The following TCTN2 variants were observed in gnomAD, a reference collection of about 807,000 sequenced individuals.
TCTN2 encodes the protein tectonic family member 2.
In TCTN2, 66 loss-of-function variants were observed where a neutral mutation model predicts 83.4. The observed-to-expected ratio is 0.79, with a 90% CI of 0.65 to 0.97. The LOEUF (loss-of-function observed/expected upper bound fraction) is 0.97. Among genes scored for constraint, TCTN2 ranks in the 50% least tolerant of loss-of-function variants. TCTN2 has a pLI of 0.00. For missense variants in TCTN2, 794 were observed against 858.1 expected, an observed-to-expected ratio of 0.93 and a Z score of 0.93; for synonymous variants, 301 against 326.7, an observed-to-expected ratio of 0.92 and a Z score of 0.85.
rs56918215 is a variant in TCTN2, at chr12:123,708,040, T to TCTCA, written c.*330_*331insACTC. ...TTTTTTTTTTTTTTTTGAGGCGGGG[T>TCTCA]CTCTGTCACCCAGGCTGGAGTGCAG... is the stretch of plus-strand genomic sequence containing the variant. On this transcript the variant is annotated 3_prime_UTR_variant, in exon 18 of 18. Transcript: ENST00000303372. 122,459 of 267,954 alleles carry TCTCA rather than the reference T, an allele frequency of 0.46. 30,734 individuals carry two copies. The highest frequency in any genetic ancestry group is 0.73 in the African/African-American group (25,384 of 34,752). The allele number at this position is 267,954 out of a possible 1,614,324, so 16.6% of individuals were successfully genotyped here. A position where few individuals can be genotyped will look rare whatever the true frequency, so the allele number is the denominator to read the frequency against.
chr12:123,696,396 C>A lies in TCTN2; in HGVS notation c.1313-19C>A. ...TGCTGGAGGAAACAGGCTCACGTTC[C>A]TTTGTTGTGTTTGTCTAGGTTACCA... On this transcript the variant is annotated intron_variant, in intron 11 of 17. Coordinates refer to ENST00000303372, the MANE Select transcript of TCTN2 (RefSeq NM_024809.5). The A allele has an allele frequency of 6.2e-7, 1 of 1,608,924 alleles. No individual in the cohort carries two copies. Among genetic ancestry groups the A allele is most frequent in the South Asian group, 1.1e-5 (1 of 90,954 alleles).
chr12:123,681,094 C>T (rs1343372592), intron 5 of TCTN2, among the ~76,000 whole-genome samples: 1 of 151,782 alleles, frequency 6.6e-6, no homozygotes, highest in African/African-American at 2.4e-5. Context: ...CATGGCAAAA[C>T]CCCATCTCTA....
intron 3 of TCTN2, 111 bp from the exon 4 acceptor site, chr12:123,673,504 T>G: frequency 9.2e-7 from 1 of 1,092,676 alleles, no homozygotes; most frequent in Admixed American, 1.9e-5. Context: ...TACATTTCCC[T>G]TTTATAAAAT....
intron 11 of TCTN2, 52 bp downstream of exon 11, chr12:123,695,349 C>A: frequency 1.7e-6 from 2 of 1,186,900 alleles, no homozygotes; most frequent in Non-Finnish European, 2.5e-6. Flanking sequence ...TTTAGTTCAA[C>A]ACTCCCAGCC....
chr12:123,679,103 T>A, intron 4 of TCTN2, 86 bp from the exon 5 acceptor site: 1 of 1,299,812 alleles, frequency 7.7e-7, no homozygotes, highest in Non-Finnish European at 1.1e-6. Context: ...GGCCGATAAT[T>A]CAGCTTTCTT....
At chr12:123,683,383 A>T (rs941598302) in intron 5 of TCTN2, among the ~76,000 whole-genome samples, 39 of 149,508 alleles carry the variant, frequency 2.6e-4, no homozygotes, top group Non-Finnish European at 8.9e-5. Flanking sequence ...TGGCTTCAGC[A>T]TTCCTCCCGC....
chr12:123,682,989 C>T (rs147319710), intron 5 of TCTN2, among the ~76,000 whole-genome samples: 10,826 of 151,470 alleles, frequency 0.071, 546 homozygotes, highest in African/African-American at 0.13. Context: ...TTTGGGAAGC[C>T]GAGGTGGGTG....
At chr12:123,705,161 G>GTTTTTT (rs71308014) in intron 15 of TCTN2, among the ~76,000 whole-genome samples, 2 of 117,712 alleles carry the variant, frequency 1.7e-5, no homozygotes, top group African/African-American at 6.5e-5. Flanking sequence ...GCCTCCATCA[G>GTTTTTT]TTTTTTTTTT....
chr12:123,707,006 GT>G lies in TCTN2; in HGVS notation c.1918del (p.Tyr640MetfsTer78). 6.2e-7 allele frequency: 1 copy of G among 1,614,012 alleles called. No individual in the cohort carries two copies. The highest frequency in any genetic ancestry group is 1.1e-5 in the South Asian group (1 of 91,072). On this transcript the variant is annotated frameshift_variant, in exon 17 of 18. Transcript: ENST00000303372. LOFTEE classifies it high-confidence loss of function. ...LTRFQINYTE[Y>X]DCNRNEVCWP... ...CTAGATTCCAGATCAATTATACAGA[GT>G]ATGACTGCAACAGAAATGAGGTGTG... is the stretch of plus-strand genomic sequence containing the variant.
Position 123,686,945 on chromosome 12 carries a change from C to T in TCTN2, c.674C>T (p.Thr225Ile), listed in dbSNP as rs1405932391. Residue 225 changes from threonine (T) to isoleucine (I), a missense_variant, in exon 6 of 18, where the codon ACA becomes ATA. Transcript: ENST00000303372. ...FDQLCSAGTT[T>I]RGVPDWFPFL... is the part of the protein sequence containing the mutation. Reference sequence around the variant, plus strand: ...CAGCTCTGCTCTGCTGGGACGACGACACGTGGTGTCCCCGATTGGTTTCCC... The same window carrying T: ...CAGCTCTGCTCTGCTGGGACGACGATACGTGGTGTCCCCGATTGGTTTCCC... The T allele has an allele frequency of 6.2e-7, 1 of 1,614,226 alleles. No homozygotes were observed. The highest frequency in any genetic ancestry group is 1.3e-5 in the African/African-American group (1 of 75,070).
In TCTN2 at chr12:123,707,054, A is replaced by G. The variant is rs750788886; in HGVS notation, c.1965A>G (p.Pro655=). 1.2e-6 allele frequency: 2 copies of G among 1,613,510 alleles called. No homozygotes were observed. The highest frequency in any genetic ancestry group is 2.2e-5 in the East Asian group (1 of 44,876). The part of the protein sequence containing the change: ...NEVCWPQLLY[P]WTQYYQGELH... ...TGTGTTGGCCGCAGCTTCTATATCC[A>G]TGGACTCAGTATTATCAAGGTAGGG... is the stretch of plus-strand genomic sequence containing the variant. Residue 655 remains proline, a synonymous_variant, in exon 17 of 18, where the codon CCA becomes CCG. Transcript: ENST00000303372.
intron 4 of TCTN2, 68 bp from the exon 5 acceptor site, chr12:123,679,121 T>A: frequency 7.0e-7 from 1 of 1,423,218 alleles, no homozygotes; most frequent in Non-Finnish European, 9.9e-7. Context: ...CTTTTGAATG[T>A]CAAAAATGTG....
chr12:123,703,421 A>G (rs1475940067), intron 14 of TCTN2, among the ~76,000 whole-genome samples: 2 of 152,048 alleles, frequency 1.3e-5, no homozygotes, highest in African/African-American at 2.4e-5. Flanking sequence ...ACCTCAGGTC[A>G]TCCACCCACC....
intron 8 of TCTN2, among the ~76,000 whole-genome samples, chr12:123,691,096 T>C (rs1002585048): frequency 1.3e-5 from 2 of 152,266 alleles, no homozygotes; most frequent in African/African-American, 4.8e-5. Context: ...CTTGAACTCC[T>C]GACCTCAGGT....
chr12:123,687,932 C>T lies in TCTN2; in HGVS notation c.765-119C>T, dbSNP rs1955993325. The stretch of plus-strand genomic sequence containing the variant: ...TGAACAAAGATCACGCCACTGCACT[C>T]CAGCCTGGGTGACAGAGTGAGACTC... On this transcript the variant is annotated intron_variant, in intron 6 of 17. Transcript: ENST00000303372. 3 of 1,423,440 alleles carry T rather than the reference C, an allele frequency of 2.1e-6. No homozygotes were observed. In the East Asian group the frequency reaches 7.2e-5, roughly 34 times the overall value. 88.2% of individuals were successfully genotyped at this position (1,423,440 alleles called of 1,614,324 possible). A position where few individuals can be genotyped will look rare whatever the true frequency, so the allele number is the denominator to read the frequency against.
At chr12:123,684,789 C>T (rs538548752) in intron 5 of TCTN2, among the ~76,000 whole-genome samples, 69 of 151,990 alleles carry the variant, frequency 4.5e-4, no homozygotes, top group Non-Finnish European at 8.5e-4. Context: ...CGGTGGCTCA[C>T]CACTGTAATC....
chr12:123,692,146 G>A (rs1320091317), intron 8 of TCTN2, among the ~76,000 whole-genome samples: 1 of 151,992 alleles, frequency 6.6e-6, no homozygotes, highest in Non-Finnish European at 1.5e-5. Context: ...CCTGACCTCA[G>A]GTGATCCACC....
In TCTN2 at chr12:123,672,112, G is replaced by C; in HGVS notation, c.247G>C (p.Val83Leu). ...VLNNETEDWS[V>L]TVIPGAKVLE... ...GAACAATGAGACGGAAGACTGGAGCGTGACTGTGATCCCCGGTGCGGTAAG... is the reference window on the plus strand; with the variant it reads ...GAACAATGAGACGGAAGACTGGAGCCTGACTGTGATCCCCGGTGCGGTAAG... Residue 83 changes from valine (V) to leucine (L), a missense_variant, in exon 3 of 18, where the codon GTG (valine) becomes CTG (leucine). Coordinates refer to ENST00000303372, the MANE Select transcript of TCTN2 (RefSeq NM_024809.5). 1 of 1,614,128 alleles carries C rather than the reference G, an allele frequency of 6.2e-7. No homozygotes were observed. The highest frequency in any genetic ancestry group is 8.5e-7 in the Non-Finnish European group (1 of 1,180,008).
intron 8 of TCTN2, 141 bp downstream of exon 8, chr12:123,690,815 G>A (rs1198488432): frequency 3.0e-6 from 3 of 1,012,636 alleles, no homozygotes; most frequent in Non-Finnish European, 4.5e-6. Flanking sequence ...AAAAAGTTTA[G>A]TTCCGTAAGA....
Sources: gnomAD v4.1 joint callset for allele counts (sites outside exome capture counted in the v4.1 genomes callset) on GRCh38, gnomAD v4.1.1 for gene constraint, MANE v1.5 for transcripts, NCBI Gene and HGNC (gene_info 2026-07-23, HGNC 2026-07-21) for gene names.